STPG2: variants seen among roughly 807,000 people sequenced by gnomAD.
The protein encoded by STPG2 is sperm tail PG-rich repeat containing 2.
In STPG2, 56 loss-of-function variants were observed where a neutral mutation model predicts 54.2. The ratio of observed to expected loss-of-function variants is 1.03; its 90% CI spans 0.83 to 1.29. The LOEUF (loss-of-function observed/expected upper bound fraction) is 1.29, where lower values mean the gene tolerates loss of function less well. Ranked by LOEUF, STPG2 falls within the 50% of genes most tolerant of loss-of-function variation. The probability of loss-of-function intolerance (pLI) is 0.00; values close to 1 mark genes in which losing one functional copy is unlikely to be tolerated. For missense variants in STPG2, 596 were observed against 544.9 expected (o/e 1.09, Z -0.93); for synonymous variants, 200 against 181.8 (o/e 1.10, Z -0.81).
At chr4:98,035,965 G>C (rs921073556) in intron 5 of STPG2, among the ~76,000 whole-genome samples, 8 of 152,066 alleles carry the variant, frequency 5.3e-5, no homozygotes, top group African/African-American at 1.9e-4. Flanking sequence ...GGCTAGGGGA[G>C]GGATAGCATT....
intron 4 of STPG2, among the ~76,000 whole-genome samples, chr4:97,540,528 C>T (rs1731669758): frequency 6.6e-6 from 1 of 152,108 alleles, no homozygotes; most frequent in Admixed American, 6.5e-5. Context: ...GGATTCACAG[C>T]CGAATTCTAC....
chr4:97,923,589 G>A (rs1484213035), intron 8 of STPG2, among the ~76,000 whole-genome samples: 7 of 152,198 alleles, frequency 4.6e-5, no homozygotes, highest in Non-Finnish European at 1.0e-4. Context: ...GCATCAATCA[G>A]CACTCTGTGT....
chr4:97,693,883 C>T lies in STPG2; in HGVS notation c.1320+18816G>A, dbSNP rs972546678. ...AGGAACCCTCAAAACCATGCAAATA[C>T]ATGGAAATTAAATAACCTGCTCCTG... On this transcript the variant is annotated intron_variant, in intron 10 of 10. Coordinates refer to ENST00000295268, the MANE Select transcript of STPG2 (RefSeq NM_174952.3). 3.3e-5 allele frequency among the ~76,000 whole-genome samples: 5 copies of T among 152,084 alleles called. No homozygotes were observed. The East Asian group carries it at 9.6e-4, about 29-fold the overall frequency.
intron 7 of STPG2, among the ~76,000 whole-genome samples, chr4:97,951,181 A>C (rs923382063): frequency 2.0e-5 from 3 of 152,084 alleles, no homozygotes; most frequent in Non-Finnish European, 2.9e-5. Context: ...TACCCACCAA[A>C]TTGTCCTTAA....
intron 10 of STPG2, among the ~76,000 whole-genome samples, chr4:97,686,841 T>C (rs540007929): frequency 6.6e-6 from 1 of 152,056 alleles, no homozygotes; most frequent in African/African-American, 2.4e-5. Flanking sequence ...TCTAAAATTA[T>C]TATTTTTTAT....
chr4:97,456,181 C>T lies in STPG2; in HGVS notation c.462+256518G>A, dbSNP rs375516961. Among the ~76,000 whole-genome samples the T allele has an allele frequency of 2.4e-4, 36 of 152,206 alleles. No homozygotes were observed. The South Asian group carries it at 2.5e-3, about 11-fold the overall frequency. ...TCTCACATTGCCATAAAGAACTACC[C>T]GAAACGGGGTAATTTATGAAGAGCT... On this transcript the variant is annotated intron_variant, in intron 4 of 4. Coordinates refer to the STPG2 transcript ENST00000522676.
chr4:97,653,217 C>T (rs1330510515), intron 10 of STPG2, among the ~76,000 whole-genome samples: 1 of 151,854 alleles, frequency 6.6e-6, no homozygotes, highest in Non-Finnish European at 1.5e-5. Context: ...GCATTGTAGA[C>T]TCAGGTATTA....
At chr4:97,676,004 C>A (rs1722831338) in intron 10 of STPG2, among the ~76,000 whole-genome samples, 1 of 143,284 alleles carries the variant, frequency 7.0e-6, no homozygotes. Flanking sequence ...CATATATATA[C>A]TATATATATT....
chr4:97,693,750 G>C (rs776610455), intron 10 of STPG2, among the ~76,000 whole-genome samples: 7 of 152,082 alleles, frequency 4.6e-5, no homozygotes, highest in African/African-American at 7.2e-5. Flanking sequence ...CTCAAAGACA[G>C]ACCATATGAT....
rs192770176 is a variant in STPG2, at chr4:97,927,090, T to C, written c.1044+16807A>G. ...GAGATTTAAAAAGTATTTTTCTAAT[T>C]CCAAAGCTTTTGCTGTTAAACTTTA... On this transcript the variant is annotated intron_variant, in intron 8 of 10. Coordinates refer to ENST00000295268, the MANE Select transcript of STPG2 (RefSeq NM_174952.3). Among the ~76,000 whole-genome samples, 640 of 152,208 alleles carry C rather than the reference T, an allele frequency of 4.2e-3. 3 individuals are homozygous for C. Among genetic ancestry groups the C allele is most frequent in the South Asian group, 0.024 (116 of 4,824 alleles).
intron 10 of STPG2, among the ~76,000 whole-genome samples, chr4:97,638,031 G>C (rs1011243271): frequency 6.6e-6 from 1 of 152,054 alleles, no homozygotes; most frequent in Admixed American, 6.5e-5. Flanking sequence ...AGCCCGCATC[G>C]CCAAGTCAAT....
intron 10 of STPG2, among the ~76,000 whole-genome samples, chr4:97,571,846 T>C (rs1183375945): frequency 5.3e-5 from 8 of 152,190 alleles, no homozygotes; most frequent in Non-Finnish European, 1.2e-4. Flanking sequence ...TCAAATATTT[T>C]AGTTTGACTC....
At chr4:97,564,437 AAAGTT>A (rs200036066) in intron 10 of STPG2, among the ~76,000 whole-genome samples, 2,830 of 152,192 alleles carry the variant, frequency 0.019, 77 homozygotes, top group African/African-American at 0.065. Flanking sequence ...ATTTACATTT[AAAGTT>A]AATATTGTTA....
At chr4:97,468,184 CT>C (rs904067960) in intron 4 of STPG2, among the ~76,000 whole-genome samples, 1 of 151,898 alleles carries the variant, frequency 6.6e-6, no homozygotes, top group Non-Finnish European at 1.5e-5. Flanking sequence ...ATTTGTCAAA[CT>C]TTTTTTCCAA....
chr4:97,477,643 A>ATTTT (rs561080941), intron 4 of STPG2, among the ~76,000 whole-genome samples: 3 of 141,254 alleles, frequency 2.1e-5, no homozygotes, highest in Admixed American at 7.1e-5. Context: ...TGCCCGGCTA[A>ATTTT]TTTTTTTTTT....
intron 9 of STPG2, among the ~76,000 whole-genome samples, chr4:97,824,272 G>A (rs1445411452): frequency 3.9e-5 from 6 of 152,066 alleles, no homozygotes; most frequent in Admixed American, 3.9e-4. Flanking sequence ...TGCAGGCAAT[G>A]CTTTTCTCCC....
chr4:97,619,117 A>G (rs1733941622), intron 10 of STPG2, among the ~76,000 whole-genome samples: 1 of 152,174 alleles, frequency 6.6e-6, no homozygotes, highest in African/African-American at 2.4e-5. Flanking sequence ...TATTAAGGAT[A>G]AAACAGTAAG....
intron 8 of STPG2, among the ~76,000 whole-genome samples, chr4:97,941,879 G>A (rs573650263): frequency 9.2e-5 from 14 of 152,028 alleles, no homozygotes; most frequent in African/African-American, 2.9e-4. Flanking sequence ...AGCTTTCTAT[G>A]TGACTAAACT....
chr4:97,445,477 T>C (rs1729199051), intron 4 of STPG2, among the ~76,000 whole-genome samples: 1 of 152,232 alleles, frequency 6.6e-6, no homozygotes. Context: ...ATCTTAATAG[T>C]ATATTTTATT....
Sources: allele counts gnomAD v4.1 joint callset (sites outside exome capture counted in the v4.1 genomes callset), GRCh38; gene constraint gnomAD v4.1.1; transcripts MANE v1.5; gene names NCBI Gene and HGNC (gene_info 2026-07-23, HGNC 2026-07-21).